The following CNKSR2 variants were observed in gnomAD, a reference collection of about 807,000 sequenced individuals.
CNKSR2 encodes the protein CNK homolog protein 2.
Under a neutral mutation model 84.4 loss-of-function variants are expected in CNKSR2, and 14 were observed. The ratio of observed to expected loss-of-function variants is 0.17; its 90% CI spans 0.11 to 0.26. The LOEUF is 0.26. Among genes scored for constraint, CNKSR2 ranks in the 10% least tolerant of loss-of-function variants. CNKSR2 has a pLI of 1.00. For missense variants in CNKSR2, 485 were observed against 771.2 expected (o/e 0.63, Z 4.40); for synonymous variants, 275 against 277.9 (o/e 0.99, Z 0.10).
At chrX:21,644,824 T>G (rs955509442) in intron 20 of CNKSR2, 1 of 111,976 alleles carries the variant, frequency 8.9e-6, no homozygotes. Context: ...TCTATTACTA[T>G]AGAGTAATAC....
intron 1 of CNKSR2, among the ~76,000 whole-genome samples, chrX:21,413,356 A>C (rs1385096081): frequency 9.0e-6 from 1 of 110,929 alleles, no homozygotes; most frequent in Non-Finnish European, 1.9e-5. Context: ...TATGGGGTAC[A>C]TGAGATGTTT....
At chrX:21,539,969 C>G (rs1196973832) in intron 11 of CNKSR2, among the ~76,000 whole-genome samples, 5 of 111,986 alleles carry the variant, frequency 4.5e-5, no homozygotes, top group Non-Finnish European at 9.4e-5. Context: ...AGGCACAGGA[C>G]TGTGTGGCCC....
intron 20 of CNKSR2, chrX:21,644,691 A>C (rs2147341743): frequency 8.9e-6 from 1 of 111,800 alleles, no homozygotes; most frequent in African/African-American, 3.2e-5. Flanking sequence ...TCACAGTCTA[A>C]GTCTCTGAAG....
chrX:21,623,959 G>C (rs898655108), intron 20 of CNKSR2, among the ~76,000 whole-genome samples: 1 of 111,495 alleles, frequency 9.0e-6, no homozygotes, highest in Non-Finnish European at 1.9e-5. Context: ...TAGAGTTTGA[G>C]ACAGCCAAAT....
chrX:21,422,748 G>A lies in CNKSR2; in HGVS notation c.65-3749G>A, dbSNP rs183531230. On this transcript the variant is annotated intron_variant, in intron 1 of 21. Transcript: ENST00000379510. ...TTTGCTGACTTTAGTGTCAAAAATGGATGGGCATGTTTGAGGTGATGGATA... is the reference window on the plus strand; with the variant it reads ...TTTGCTGACTTTAGTGTCAAAAATGAATGGGCATGTTTGAGGTGATGGATA... 2.4e-3 allele frequency among the ~76,000 whole-genome samples: 268 copies of A among 111,014 alleles called. 4 individuals are homozygous for A. The highest frequency in any genetic ancestry group is 4.1e-3 in the Non-Finnish European group (215 of 52,915).
chrX:21,549,222 A>G (rs2147159934), intron 11 of CNKSR2, among the ~76,000 whole-genome samples: 1 of 112,680 alleles, frequency 8.9e-6, no homozygotes, highest in African/African-American at 3.2e-5. Flanking sequence ...ACTTCAGCAA[A>G]GTCTCAGGAT....
At chrX:21,416,986 C>T (rs1309235481) in intron 1 of CNKSR2, among the ~76,000 whole-genome samples, 3 of 110,783 alleles carry the variant, frequency 2.7e-5, no homozygotes, top group African/African-American at 3.3e-5. Flanking sequence ...TCTTTTCTAG[C>T]TCTTTAAGAT....
chrX:21,483,058 A>C (rs1212407663), intron 5 of CNKSR2, among the ~76,000 whole-genome samples: 1 of 111,829 alleles, frequency 8.9e-6, no homozygotes, highest in Non-Finnish European at 1.9e-5. Flanking sequence ...AAGTTTAAAA[A>C]GTTTTTCTCC....
chrX:21,580,150 A>T (rs965338859), intron 13 of CNKSR2, among the ~76,000 whole-genome samples: 8 of 112,167 alleles, frequency 7.1e-5, no homozygotes, highest in Non-Finnish European at 1.5e-4. Context: ...ATGTTTTACT[A>T]TATAGTTCAG....
At chrX:21,407,388 T>C (rs1373846438) in intron 1 of CNKSR2, among the ~76,000 whole-genome samples, 4 of 111,636 alleles carry the variant, frequency 3.6e-5, no homozygotes, top group Non-Finnish European at 5.7e-5. Flanking sequence ...TTAAGACAGA[T>C]GTACCTGGGC....
intron 11 of CNKSR2, among the ~76,000 whole-genome samples, chrX:21,535,518 C>A (rs1010626198): frequency 1.8e-5 from 2 of 111,075 alleles, no homozygotes; most frequent in Non-Finnish European, 3.8e-5. Context: ...AATGTGATGT[C>A]TTTCCATTTT....
chrX:21,437,904 C>T (rs2090730606), intron 3 of CNKSR2, among the ~76,000 whole-genome samples: 1 of 111,193 alleles, frequency 9.0e-6, no homozygotes, highest in African/African-American at 3.3e-5. Context: ...CTGCTTACAA[C>T]TAAAGAGGTT....
intron 3 of CNKSR2, among the ~76,000 whole-genome samples, chrX:21,440,020 A>G (rs748673031): frequency 4.5e-5 from 5 of 110,577 alleles, no homozygotes; most frequent in Admixed American, 9.7e-5. Flanking sequence ...ATATTACCAA[A>G]CTAAATCTAA....
chrX:21,416,451 T>G (rs965853623), intron 1 of CNKSR2, among the ~76,000 whole-genome samples: 1 of 111,639 alleles, frequency 9.0e-6, no homozygotes, highest in African/African-American at 3.3e-5. Flanking sequence ...ACTTGCCTCA[T>G]GTAATGAGTT....
chrX:21,614,759 A>G (rs1188163523), intron 20 of CNKSR2, among the ~76,000 whole-genome samples: 2 of 111,475 alleles, frequency 1.8e-5, no homozygotes, highest in African/African-American at 6.5e-5. Flanking sequence ...AAAATGAGAG[A>G]AAGTTATTAA....
At chrX:21,495,132 G>A (rs1008579487) in intron 6 of CNKSR2, 6 of 111,928 alleles carry the variant, frequency 5.4e-5, no homozygotes, top group African/African-American at 1.9e-4. Flanking sequence ...AAGTTAAGGT[G>A]TACAACTCTC....
At chrX:21,558,994 G>A (rs1028560338) in intron 11 of CNKSR2, among the ~76,000 whole-genome samples, 1 of 110,947 alleles carries the variant, frequency 9.0e-6, no homozygotes, top group Non-Finnish European at 1.9e-5. Flanking sequence ...GAAATAAATT[G>A]TAGATATTTT....
intron 8 of CNKSR2, chrX:21,506,288 C>T (rs2091611494): frequency 9.0e-6 from 1 of 111,319 alleles, no homozygotes; most frequent in Non-Finnish European, 1.9e-5. Flanking sequence ...GAATCATTCT[C>T]TTTTGGGAGG....
At chrX:21,382,135 C>T (rs1228823466) in intron 1 of CNKSR2, among the ~76,000 whole-genome samples, 2 of 111,611 alleles carry the variant, frequency 1.8e-5, no homozygotes, top group Non-Finnish European at 1.9e-5. Context: ...TCCTAAATGA[C>T]AATGCACGTA....
Sources: gnomAD v4.1 joint callset for allele counts (sites outside exome capture counted in the v4.1 genomes callset) on GRCh38, gnomAD v4.1.1 for gene constraint, MANE v1.5 for transcripts, NCBI Gene and HGNC (gene_info 2026-07-23, HGNC 2026-07-21) for gene names.